PREX2: variants seen among roughly 807,000 people sequenced by gnomAD.
PREX2 encodes phosphatidylinositol-3,4,5-trisphosphate dependent Rac exchange factor 2, also known as phosphatidylinositol 3,4,5-trisphosphate-dependent Rac exchanger 2 protein.
A neutral mutation model predicts 203.2 loss-of-function variants in PREX2; 107 were observed. The observed-to-expected ratio is 0.53, with a 90% CI of 0.45 to 0.62. The LOEUF (loss-of-function observed/expected upper bound fraction) is 0.62, where lower values mean the gene tolerates loss of function less well. Among genes scored for constraint, PREX2 ranks in the 20% least tolerant of loss-of-function variants. The probability of loss-of-function intolerance (pLI) is 0.00; values close to 1 mark genes in which losing one functional copy is unlikely to be tolerated. For missense variants in PREX2, 1,777 were observed against 1,955.9 expected (o/e 0.91, Z 1.72); for synonymous variants, 672 against 663.6 (o/e 1.01, Z -0.19).
chr8:67,996,362 A>AT (rs5892122), intron 1 of PREX2, among the ~76,000 whole-genome samples: 17,063 of 147,582 alleles, frequency 0.12, 1,251 homozygotes, highest in Middle Eastern at 0.18. Context: ...TGCCTGGCTA[A>AT]TTTTTTTTTT....
At chr8:68,152,117 G>A (rs566763747) in intron 34 of PREX2, among the ~76,000 whole-genome samples, 47 of 151,136 alleles carry the variant, frequency 3.1e-4, no homozygotes, top group African/African-American at 9.2e-4. Flanking sequence ...ATGAAACCCC[G>A]TCTCTACTAA....
At chr8:68,173,092 G>A (rs1357595434) in intron 35 of PREX2, among the ~76,000 whole-genome samples, 1 of 152,128 alleles carries the variant, frequency 6.6e-6, no homozygotes, top group Non-Finnish European at 1.5e-5. Flanking sequence ...CATATTGAAG[G>A]CAACCATGTC....
At position 68,109,542 on chromosome 8, in the gene PREX2, C is replaced by T. The variant is rs146544818; in HGVS notation, c.3065C>T (p.Thr1022Ile). The change falls in exon 25 of 40, where the codon ACC becomes ATC. Residue 1022 changes from threonine (T) to isoleucine (I), a missense_variant. Coordinates refer to ENST00000288368, the MANE Select transcript of PREX2 (RefSeq NM_024870.4). ...CTGCTAAAAGAAGAAGACTTAGAAA[C>T]CCAAGACATCTATCAGAAACTGCTG... is the stretch of plus-strand genomic sequence containing the variant. ...RYLLKEEDLE[T>I]QDIYQKLLGK... 134 of 1,613,870 alleles carry T rather than the reference C, an allele frequency of 8.3e-5. No homozygotes were observed. The highest frequency in any genetic ancestry group is 2.7e-4 in the Admixed American group (16 of 59,994).
At chr8:68,161,438 G>C (rs987178829) in intron 35 of PREX2, among the ~76,000 whole-genome samples, 1 of 152,050 alleles carries the variant, frequency 6.6e-6, no homozygotes, top group African/African-American at 2.4e-5. Flanking sequence ...AGAAAACCCT[G>C]TTATTCTAAT....
chr8:68,158,134 T>C (rs968594779), intron 35 of PREX2, among the ~76,000 whole-genome samples: 56 of 146,100 alleles, frequency 3.8e-4, no homozygotes, highest in South Asian at 1.5e-3. Context: ...TATATATATA[T>C]ACACACATAT....
At chr8:68,013,097 G>C (rs1189035064) in intron 1 of PREX2, among the ~76,000 whole-genome samples, 1 of 152,178 alleles carries the variant, frequency 6.6e-6, no homozygotes, top group Non-Finnish European at 1.5e-5. Context: ...GAAGTTTATT[G>C]AGCACTTACC....
At chr8:68,099,351 C>T (rs1179129192) in intron 22 of PREX2, among the ~76,000 whole-genome samples, 1 of 151,946 alleles carries the variant, frequency 6.6e-6, no homozygotes, top group African/African-American at 2.4e-5. Flanking sequence ...ATAGAAGTGT[C>T]CCACAGCAGA....
intron 6 of PREX2, among the ~76,000 whole-genome samples, chr8:68,036,386 G>T (rs1443610864): frequency 6.6e-6 from 1 of 152,114 alleles, no homozygotes; most frequent in Non-Finnish European, 1.5e-5. Context: ...ATGTTAATTT[G>T]AGGTACTCGG....
At chr8:68,162,323 C>A (rs924289547) in intron 35 of PREX2, among the ~76,000 whole-genome samples, 1 of 151,982 alleles carries the variant, frequency 6.6e-6, no homozygotes, top group Non-Finnish European at 1.5e-5. Flanking sequence ...ACTAACAGAT[C>A]TAAATATATT....
chr8:68,195,226 T>C (rs1355188493), intron 37 of PREX2, among the ~76,000 whole-genome samples: 1 of 152,238 alleles, frequency 6.6e-6, no homozygotes, highest in Non-Finnish European at 1.5e-5. Context: ...AGTTTGATGT[T>C]CCACAGCTAT....
intron 35 of PREX2, among the ~76,000 whole-genome samples, chr8:68,163,558 GC>G (rs1194390390): frequency 6.6e-6 from 1 of 152,162 alleles, no homozygotes; most frequent in East Asian, 1.9e-4. Context: ...TTAAGGTGGA[GC>G]CCATTAAGGA....
chr8:68,170,527 G>A (rs974648190), intron 35 of PREX2, among the ~76,000 whole-genome samples: 1 of 152,190 alleles, frequency 6.6e-6, no homozygotes, highest in African/African-American at 2.4e-5. Flanking sequence ...AGAAAACCTG[G>A]TTTACTTTTT....
At chr8:67,959,297 A>T (rs1805569744) in intron 1 of PREX2, among the ~76,000 whole-genome samples, 1 of 152,106 alleles carries the variant, frequency 6.6e-6, no homozygotes, top group African/African-American at 2.4e-5. Context: ...TGGCAGTTAG[A>T]ATGTCATTGG....
chr8:68,175,833 CAT>C (rs1231083077), intron 35 of PREX2, among the ~76,000 whole-genome samples: 2 of 151,656 alleles, frequency 1.3e-5, no homozygotes, highest in East Asian at 3.9e-4. Flanking sequence ...TATATGGTAA[CAT>C]ATAATTTTAA....
intron 35 of PREX2, among the ~76,000 whole-genome samples, chr8:68,180,756 GACC>G (rs1812068949): frequency 1.3e-5 from 2 of 152,092 alleles, no homozygotes; most frequent in Non-Finnish European, 2.9e-5. Context: ...CACTGGATTG[GACC>G]AATGCAGTCA....
Position 68,120,185 on chromosome 8 carries a change from A to G in PREX2, c.3505-11A>G, listed in dbSNP as rs142969815. On this transcript the variant is annotated splice_polypyrimidine_tract_variant and intron_variant, in intron 28 of 39. Transcript: ENST00000288368. The stretch of plus-strand genomic sequence containing the variant: ...AGAAATATGTAACTCGGAAATCTCT[A>G]CTATTGATAGGTGGATTCAATTACC... 9.6e-6 allele frequency: 15 copies of G among 1,564,336 alleles called. No individual in the cohort carries two copies. In the East Asian group the frequency reaches 3.1e-4, roughly 33 times the overall value.
At chr8:67,957,568 A>G (rs534918592) in intron 1 of PREX2, among the ~76,000 whole-genome samples, 2 of 152,308 alleles carry the variant, frequency 1.3e-5, no homozygotes, top group East Asian at 3.9e-4. Context: ...TTCCCAGAGA[A>G]AAGGGGGTTT....
chr8:68,086,961 C>T lies in PREX2; in HGVS notation c.2028-763C>T, dbSNP rs944417593. 3.3e-5 allele frequency among the ~76,000 whole-genome samples: 5 copies of T among 152,226 alleles called. No homozygotes were observed. In the East Asian group the frequency reaches 9.6e-4, roughly 29 times the overall value. On this transcript the variant is annotated intron_variant, in intron 18 of 39. Coordinates refer to ENST00000288368, the MANE Select transcript of PREX2 (RefSeq NM_024870.4). The stretch of plus-strand genomic sequence containing the variant: ...CCCAATAGGTAGAAATGTATTAACT[C>T]TGTATTTCTGTTACATTAATTTTTA...
chr8:67,999,059 T>C (rs904192360), intron 1 of PREX2, among the ~76,000 whole-genome samples: 4 of 152,136 alleles, frequency 2.6e-5, no homozygotes, highest in Non-Finnish European at 4.4e-5. Flanking sequence ...TACATCTCAA[T>C]TGAAATACAT....
Sources: gnomAD v4.1 joint callset for allele counts (sites outside exome capture counted in the v4.1 genomes callset) on GRCh38, gnomAD v4.1.1 for gene constraint, MANE v1.5 for transcripts, NCBI Gene and HGNC (gene_info 2026-07-23, HGNC 2026-07-21) for gene names.